The following RBFOX1 variants were observed in gnomAD, a reference collection of about 807,000 sequenced individuals.
RBFOX1 encodes RNA binding fox-1 homolog 1.
RBFOX1 carries 8 observed loss-of-function variants against 57.7 expected under a neutral mutation model. That is an observed-to-expected ratio of 0.14 (90% confidence interval 0.08 to 0.25). The LOEUF (loss-of-function observed/expected upper bound fraction) is 0.25. Ranked by LOEUF, RBFOX1 falls within the 10% of genes least tolerant of loss-of-function variation. RBFOX1 has a pLI of 1.00. For missense variants in RBFOX1, 611 were observed against 548.5 expected, an observed-to-expected ratio of 1.11 and a Z score of -1.14; for synonymous variants, 326 against 222.4, an observed-to-expected ratio of 1.47 and a Z score of -4.15.
At chr16:7,026,320 A>G (rs1296832960) in intron 3 of RBFOX1, among the ~76,000 whole-genome samples, 3 of 152,208 alleles carry the variant, frequency 2.0e-5, no homozygotes, top group Non-Finnish European at 4.4e-5. Context: ...TCTTTTAATT[A>G]ACGGTTTAAC....
chr16:5,770,654 C>G (rs1251676564), intron 3 of RBFOX1, among the ~76,000 whole-genome samples: 1 of 152,186 alleles, frequency 6.6e-6, no homozygotes, highest in African/African-American at 2.4e-5. Context: ...TTGGCTCACT[C>G]TTGAATTCTT....
At chr16:5,533,902 A>T (rs1015814520) in intron 2 of RBFOX1, among the ~76,000 whole-genome samples, 4 of 152,142 alleles carry the variant, frequency 2.6e-5, no homozygotes, top group African/African-American at 7.2e-5. Flanking sequence ...TCTAAGATGC[A>T]AGCAACAGAA....
intron 3 of RBFOX1, among the ~76,000 whole-genome samples, chr16:5,831,424 A>T (rs1390097552): frequency 1.3e-5 from 2 of 152,000 alleles, no homozygotes; most frequent in African/African-American, 4.8e-5. Flanking sequence ...AGCTAAGCAG[A>T]TGTTTGTATA....
intron 1 of RBFOX1, among the ~76,000 whole-genome samples, chr16:6,188,958 T>C (rs13333761): frequency 0.41 from 61,916 of 152,010 alleles, 12,703 homozygotes; most frequent in Middle Eastern, 0.52. Flanking sequence ...CAAATGAGAC[T>C]CCAAGTGCAG....
intron 10 of RBFOX1, among the ~76,000 whole-genome samples, chr16:7,625,224 G>A (rs1049567623): frequency 1.6e-4 from 24 of 152,034 alleles, no homozygotes; most frequent in African/African-American, 5.6e-4. Flanking sequence ...CATTAAACTG[G>A]GCACAGGTGG....
rs1555514799 is a variant in RBFOX1 at position 5,424,919 on chromosome 16, CTTTCTTTCTTTCTT to C, written c.220-42295_220-42282del. On this transcript the variant is annotated intron_variant, in intron 1 of 2. Transcript: ENST00000585867. ...TCTTTCTTTCTTTCTTTCTTTCTTTCTTTCTTTCTTTCTTTCTCTCTCTTCTTTCTTCCTTTGTT... is the reference window on the plus strand; with the variant it reads ...TCTTTCTTTCTTTCTTTCTTTCTTTCTCTCTCTCTTCTTTCTTCCTTTGTT... Among the ~76,000 whole-genome samples, 2 of 96,692 alleles carry C rather than the reference CTTTCTTTCTTTCTT, an allele frequency of 2.1e-5. 1 individual carries two copies. Among genetic ancestry groups the C allele is most frequent in the Non-Finnish European group, 4.1e-5 (2 of 49,256 alleles). The allele number at this position is 96,692 out of a possible 152,430, so 63.4% of individuals were successfully genotyped here.
intron 4 of RBFOX1, among the ~76,000 whole-genome samples, chr16:7,209,616 A>T (rs570647706): frequency 1.4e-4 from 22 of 152,304 alleles, no homozygotes; most frequent in African/African-American, 5.3e-4. Flanking sequence ...TACCCATTGT[A>T]ACCACTCTAT....
intron 10 of RBFOX1, among the ~76,000 whole-genome samples, chr16:7,618,890 A>G (rs1489748951): frequency 1.3e-5 from 2 of 152,216 alleles, no homozygotes; most frequent in African/African-American, 2.4e-5. Flanking sequence ...TACAGTCGAC[A>G]TATTGGTTTA....
intron 1 of RBFOX1, among the ~76,000 whole-genome samples, chr16:6,216,112 C>G (rs1400145184): frequency 6.6e-6 from 1 of 152,022 alleles, no homozygotes; most frequent in Admixed American, 6.6e-5. Flanking sequence ...GGGAATAACG[C>G]ACACCGGGGC....
chr16:5,696,117 C>G (rs2050835763), intron 3 of RBFOX1, among the ~76,000 whole-genome samples: 1 of 152,128 alleles, frequency 6.6e-6, no homozygotes, highest in Non-Finnish European at 1.5e-5. Flanking sequence ...CTCCTGTAGT[C>G]ACCTTTTAGC....
At chr16:7,291,972 A>T (rs1367692963) in intron 4 of RBFOX1, among the ~76,000 whole-genome samples, 2 of 91,442 alleles carry the variant, frequency 2.2e-5, no homozygotes, top group African/African-American at 4.6e-5. Flanking sequence ...AATATATTTT[A>T]TATATAATAT....
intron 4 of RBFOX1, among the ~76,000 whole-genome samples, chr16:7,366,200 C>A (rs1057378832): frequency 2.0e-4 from 30 of 152,198 alleles, no homozygotes; most frequent in Non-Finnish European, 3.8e-4. Flanking sequence ...CAGGCTGCCA[C>A]CCCATTGGTG....
intron 4 of RBFOX1, among the ~76,000 whole-genome samples, chr16:7,194,717 C>G (rs1183848402): frequency 1.3e-5 from 2 of 151,938 alleles, no homozygotes; most frequent in East Asian, 3.9e-4. Context: ...TGCCTGAGCC[C>G]TGGAGTGCAA....
intron 4 of RBFOX1, among the ~76,000 whole-genome samples, chr16:7,463,159 G>A (rs891104157): frequency 6.6e-6 from 1 of 152,110 alleles, no homozygotes; most frequent in Non-Finnish European, 1.5e-5. Context: ...CTCTTGCTAT[G>A]CCCTCAGATG....
In RBFOX1 at chr16:7,116,023, A is replaced by C. The variant is rs2065834636; in HGVS notation, c.27+63925A>C. ...TAACCATTGTGCCAGGCACTGTACT[A>C]AGTGGCCATGTGCCCTTTCTCATTT... On this transcript the variant is annotated intron_variant, in intron 4 of 15. Transcript: ENST00000550418. Among the ~76,000 whole-genome samples the C allele has an allele frequency of 3.9e-5, 6 of 152,274 alleles. 1 individual carries two copies. The South Asian group carries it at 1.2e-3, about 32-fold the overall frequency.
chr16:5,811,795 A>G (rs79552199), intron 3 of RBFOX1, among the ~76,000 whole-genome samples: 2,667 of 152,296 alleles, frequency 0.018, 79 homozygotes, highest in African/African-American at 0.061. Context: ...TTGACGTGCT[A>G]TAATATTCAC....
chr16:7,166,003 CAT>C (rs1207043470), intron 4 of RBFOX1, among the ~76,000 whole-genome samples: 3 of 149,988 alleles, frequency 2.0e-5, no homozygotes, highest in African/African-American at 7.4e-5. Context: ...TGAAGGAGTG[CAT>C]AGTCTATTTT....
chr16:7,027,163 A>G (rs2041219471), intron 3 of RBFOX1, among the ~76,000 whole-genome samples: 1 of 152,312 alleles, frequency 6.6e-6, no homozygotes, highest in East Asian at 1.9e-4. Context: ...TCCTTACGAG[A>G]CTGAGTGTTT....
chr16:6,597,737 C>G (rs1250599908), intron 2 of RBFOX1, among the ~76,000 whole-genome samples: 1 of 152,082 alleles, frequency 6.6e-6, no homozygotes, highest in Non-Finnish European at 1.5e-5. Context: ...AGAAAGAAGT[C>G]CACAGGAAAG....
Sources: gnomAD v4.1 joint callset for allele counts (sites outside exome capture counted in the v4.1 genomes callset) on GRCh38, gnomAD v4.1.1 for gene constraint, MANE v1.5 for transcripts, NCBI Gene and HGNC (gene_info 2026-07-23, HGNC 2026-07-21) for gene names.